The following SMYD3 variants were observed in gnomAD, a reference collection of about 807,000 sequenced individuals.
SMYD3 encodes SET and MYND domain containing 3.
SMYD3 carries 36 observed loss-of-function variants against 57.7 expected under a neutral mutation model. The ratio of observed to expected loss-of-function variants is 0.62; its 90% CI spans 0.48 to 0.82. SMYD3 has a LOEUF of 0.82. Ranked by LOEUF, SMYD3 falls within the 40% of genes least tolerant of loss-of-function variation. SMYD3 has a pLI of 0.00. For synonymous variants in SMYD3, 211 were observed against 195.0 expected, an observed-to-expected ratio of 1.08 and a Z score of -0.68; for missense variants, 515 against 538.8, an observed-to-expected ratio of 0.96 and a Z score of 0.44.
intron 1 of SMYD3, among the ~76,000 whole-genome samples, chr1:246,449,372 T>C (rs1558470450): frequency 6.6e-6 from 1 of 152,228 alleles, no homozygotes; most frequent in Non-Finnish European, 1.5e-5. Context: ...CTCATTTGGG[T>C]AGACCTCATT....
rs530353183 is a variant in SMYD3, at chr1:246,346,371, T to C, written c.228+8660A>G. Among the ~76,000 whole-genome samples the C allele has an allele frequency of 5.3e-5, 8 of 152,302 alleles. No individual in the cohort carries two copies. In the East Asian group the frequency reaches 1.5e-3, roughly 29 times the overall value. ...CACACTACTAAAGGCCTATTTACAG[T>C]GGTTCCTTTTACATCACGTCTAGCT... On this transcript the variant is annotated intron_variant, in intron 2 of 11. Transcript: ENST00000490107.
intron 8 of SMYD3, among the ~76,000 whole-genome samples, chr1:245,903,024 C>T (rs9659899): frequency 0.11 from 17,260 of 151,952 alleles, 1,060 homozygotes; most frequent in East Asian, 0.28. Context: ...ATGCTTGAAA[C>T]GAAATGCAAA....
chr1:246,395,498 G>A lies in SMYD3; in HGVS notation c.165-40404C>T, dbSNP rs563192309. Among the ~76,000 whole-genome samples, 58 of 152,326 alleles carry A rather than the reference G, an allele frequency of 3.8e-4. 1 individual carries two copies. The highest frequency in any genetic ancestry group is 1.3e-3 in the African/African-American group (55 of 41,574). ...TCACGGGTTCTCTTAAAATAGACAA[G>A]GCAAAACCACTGGCTGTTACGTGCC... On this transcript the variant is annotated intron_variant, in intron 1 of 11. Transcript: ENST00000490107.
chr1:246,400,567 T>A (rs2066751667), intron 1 of SMYD3, among the ~76,000 whole-genome samples: 2 of 152,222 alleles, frequency 1.3e-5, no homozygotes, highest in South Asian at 4.1e-4. Flanking sequence ...TATTTCAGTG[T>A]TAAGACAACT....
At chr1:246,049,059 A>G (rs1240279750) in intron 5 of SMYD3, among the ~76,000 whole-genome samples, 1 of 152,160 alleles carries the variant, frequency 6.6e-6, no homozygotes, top group African/African-American at 2.4e-5. Context: ...CATTATGTAC[A>G]GATGCCCTAA....
chr1:245,875,676 T>C (rs982703491), intron 8 of SMYD3, among the ~76,000 whole-genome samples: 2 of 152,238 alleles, frequency 1.3e-5, no homozygotes, highest in African/African-American at 2.4e-5. Flanking sequence ...AATGCTACGA[T>C]GCCAGTCACA....
At chr1:245,817,567 GAGA>G (rs1474868628) in intron 10 of SMYD3, among the ~76,000 whole-genome samples, 5 of 152,212 alleles carry the variant, frequency 3.3e-5, no homozygotes, top group African/African-American at 1.2e-4. Context: ...GATGACCTGA[GAGA>G]AGAAGGCTTC....
rs972981248 is a variant in SMYD3, at chr1:246,273,688, G to A, written c.531+53513C>T. ...CAACCTCTGCCTCCCAGGTTCAAGCGATTCTCCTGCCTCAGCCTCCTGAGT... is the reference window on the plus strand; with the variant it reads ...CAACCTCTGCCTCCCAGGTTCAAGCAATTCTCCTGCCTCAGCCTCCTGAGT... On this transcript the variant is annotated intron_variant, in intron 5 of 11. Coordinates refer to ENST00000490107, the MANE Select transcript of SMYD3 (RefSeq NM_001167740.2). 9.6e-5 allele frequency among the ~76,000 whole-genome samples: 14 copies of A among 146,406 alleles called. 1 individual carries two copies. The South Asian group carries it at 2.3e-3, about 24-fold the overall frequency.
intron 10 of SMYD3, among the ~76,000 whole-genome samples, chr1:245,813,716 C>A (rs369789369): frequency 6.6e-6 from 1 of 152,104 alleles, no homozygotes; most frequent in Non-Finnish European, 1.5e-5. Context: ...TGAAGACTGG[C>A]AGGCTGGGAA....
intron 5 of SMYD3, among the ~76,000 whole-genome samples, chr1:246,190,138 C>G (rs113247034): frequency 9.1e-4 from 138 of 152,334 alleles, no homozygotes; most frequent in African/African-American, 3.2e-3. Context: ...CCAAGTTTAT[C>G]ACTTACTAAG....
At chr1:246,063,784 C>T (rs557011004) in intron 5 of SMYD3, among the ~76,000 whole-genome samples, 2 of 152,134 alleles carry the variant, frequency 1.3e-5, no homozygotes, top group South Asian at 2.1e-4. Context: ...GGATTACAGG[C>T]GCATGCCACC....
chr1:245,856,037 G>A (rs1328900282), intron 10 of SMYD3, among the ~76,000 whole-genome samples: 1 of 152,226 alleles, frequency 6.6e-6, no homozygotes, highest in Non-Finnish European at 1.5e-5. Flanking sequence ...GGGGGGCTGA[G>A]AGCACTCAGT....
intron 5 of SMYD3, among the ~76,000 whole-genome samples, chr1:246,213,253 A>G (rs915825063): frequency 2.0e-5 from 3 of 152,132 alleles, no homozygotes; most frequent in Non-Finnish European, 4.4e-5. Context: ...TCTAAACCCA[A>G]ACACCAAGGG....
intron 1 of SMYD3, among the ~76,000 whole-genome samples, chr1:246,368,053 T>C (rs1330198602): frequency 6.6e-6 from 1 of 152,204 alleles, no homozygotes; most frequent in Non-Finnish European, 1.5e-5. Flanking sequence ...CTTCTGGGTA[T>C]AGGCTGGGCC....
chr1:246,328,954 C>G (rs939498458), intron 4 of SMYD3, among the ~76,000 whole-genome samples: 1 of 150,580 alleles, frequency 6.6e-6, no homozygotes, highest in Admixed American at 6.6e-5. Flanking sequence ...GGTTTTTTGT[C>G]CTTGCAATAG....
At chr1:246,095,687 G>A (rs1287306363) in intron 5 of SMYD3, among the ~76,000 whole-genome samples, 4 of 152,292 alleles carry the variant, frequency 2.6e-5, no homozygotes, top group Admixed American at 6.5e-5. Flanking sequence ...AAAGCAGCCC[G>A]AGCAACACAG....
At chr1:246,250,796 G>C (rs958754383) in intron 5 of SMYD3, among the ~76,000 whole-genome samples, 1 of 152,132 alleles carries the variant, frequency 6.6e-6, no homozygotes, top group African/African-American at 2.4e-5. Context: ...TTTAATGATA[G>C]TTAACTGCTT....
intron 5 of SMYD3, among the ~76,000 whole-genome samples, chr1:246,216,411 G>C (rs1391829725): frequency 5.9e-5 from 9 of 151,934 alleles, no homozygotes. Context: ...TCTTCTAAAT[G>C]CATCAGTACA....
chr1:245,753,596 C>T (rs990198211), intron 11 of SMYD3, among the ~76,000 whole-genome samples: 13 of 131,604 alleles, frequency 9.9e-5, no homozygotes, highest in African/African-American at 3.0e-4. Context: ...CCCTGTGTGG[C>T]CCTGGGCACA....
Sources: gnomAD v4.1 joint callset for allele counts (sites outside exome capture counted in the v4.1 genomes callset) on GRCh38, gnomAD v4.1.1 for gene constraint, MANE v1.5 for transcripts, NCBI Gene and HGNC (gene_info 2026-07-23, HGNC 2026-07-21) for gene names.